The following TRIO variants were observed in gnomAD, a reference collection of about 807,000 sequenced individuals.
TRIO encodes triple functional domain protein.
TRIO carries 58 observed loss-of-function variants against 351.9 expected under a neutral mutation model. That is an observed-to-expected ratio of 0.16 (90% CI 0.13 to 0.21). The LOEUF (loss-of-function observed/expected upper bound fraction) is 0.21. Ranked by LOEUF, TRIO falls within the 10% of genes least tolerant of loss-of-function variation. TRIO has a pLI of 1.00. For synonymous variants in TRIO, 1,758 were observed against 1,595.7 expected (o/e 1.10, Z -2.42); for missense variants, 3,201 against 4,027.8 (o/e 0.79, Z 5.56).
intron 8 of TRIO, among the ~76,000 whole-genome samples, chr5:14,307,649 G>A (rs1738495827): frequency 6.6e-6 from 1 of 152,176 alleles, no homozygotes; most frequent in African/African-American, 2.4e-5. Context: ...TTTCTCCAAT[G>A]CACAGGCACC....
chr5:14,231,547 C>A (rs1022106562), intron 1 of TRIO, among the ~76,000 whole-genome samples: 2 of 152,198 alleles, frequency 1.3e-5, no homozygotes, highest in Admixed American at 1.3e-4. Context: ...TCTGGGCCTT[C>A]TTTGCTCTCC....
intron 11 of TRIO, among the ~76,000 whole-genome samples, chr5:14,345,852 TA>T (rs1195148183): frequency 6.6e-6 from 1 of 152,256 alleles, no homozygotes; most frequent in African/African-American, 2.4e-5. Context: ...GTTTACTTGT[TA>T]AATTTCTGTT....
At chr5:14,315,968 A>G (rs1008854786) in intron 8 of TRIO, among the ~76,000 whole-genome samples, 1 of 152,216 alleles carries the variant, frequency 6.6e-6, no homozygotes, top group Non-Finnish European at 1.5e-5. Flanking sequence ...GTGAAGTTAA[A>G]TTGCTCTCCA....
At chr5:14,225,614 C>A (rs1049079113) in intron 1 of TRIO, among the ~76,000 whole-genome samples, 19 of 152,130 alleles carry the variant, frequency 1.2e-4, no homozygotes, top group Non-Finnish European at 4.4e-5. Flanking sequence ...GCCTGCTGCA[C>A]CCTATGGCAG....
At chr5:14,221,196 CCT>C (rs1344513199) in intron 1 of TRIO, among the ~76,000 whole-genome samples, 1 of 152,096 alleles carries the variant, frequency 6.6e-6, no homozygotes, top group African/African-American at 2.4e-5. Context: ...TGTTTTAAGC[CCT>C]CTCTTGAGAC....
At chr5:14,202,293 G>GTT (rs1561196197) in intron 1 of TRIO, among the ~76,000 whole-genome samples, 4 of 34,350 alleles carry the variant, frequency 1.2e-4, no homozygotes, top group African/African-American at 4.0e-4. Flanking sequence ...ATATTTTTGT[G>GTT]ATTTTTTTTT....
chr5:14,276,047 TTG>T (rs1735493438), intron 2 of TRIO, among the ~76,000 whole-genome samples: 1 of 108,596 alleles, frequency 9.2e-6, no homozygotes, highest in South Asian at 2.6e-4. Flanking sequence ...TGATGGACAT[TTG>T]TTTTTTTTTT....
intron 34 of TRIO, among the ~76,000 whole-genome samples, chr5:14,433,796 G>A (rs1182989930): frequency 6.6e-6 from 1 of 152,090 alleles, no homozygotes; most frequent in Non-Finnish European, 1.5e-5. Flanking sequence ...TCAGAATTCA[G>A]CTAATGTTGT....
intron 1 of TRIO, among the ~76,000 whole-genome samples, chr5:14,185,114 T>A (rs1175652049): frequency 6.6e-6 from 1 of 152,084 alleles, no homozygotes; most frequent in Non-Finnish European, 1.5e-5. Flanking sequence ...ATCCTGAACA[T>A]CTGGGCCTTT....
At chr5:14,235,380 G>T (rs1463513464) in intron 1 of TRIO, among the ~76,000 whole-genome samples, 3 of 152,154 alleles carry the variant, frequency 2.0e-5, no homozygotes, top group Admixed American at 2.0e-4. Context: ...GAAGTCAGAA[G>T]ACCTGGGTTT....
At chr5:14,216,984 G>A (rs26136) in intron 1 of TRIO, among the ~76,000 whole-genome samples, 82,540 of 152,086 alleles carry the variant, frequency 0.54, 22,862 homozygotes, top group Non-Finnish European at 0.6. Flanking sequence ...CTCCTACAGG[G>A]CAAGGAGGCG....
At chr5:14,409,718 C>G (rs959842008) in intron 33 of TRIO, among the ~76,000 whole-genome samples, 7 of 151,824 alleles carry the variant, frequency 4.6e-5, no homozygotes, top group Admixed American at 2.6e-4. Context: ...CCTGTAAGTC[C>G]CAGCTACTCG....
chr5:14,498,327 C>G, intron 52 of TRIO, 76 bp downstream of exon 52: 1 of 1,569,706 alleles, frequency 6.4e-7, no homozygotes, highest in Admixed American at 1.8e-5. Context: ...GAAATTCCTC[C>G]TTCACGGATG....
chr5:14,209,843 A>G (rs1791772833), intron 1 of TRIO, among the ~76,000 whole-genome samples: 1 of 152,246 alleles, frequency 6.6e-6, no homozygotes, highest in African/African-American at 2.4e-5. Context: ...TCAGACTCAG[A>G]TCTTCTGGTG....
rs113090207 is a variant in TRIO at position 14,476,576 on chromosome 5, G to C, written c.6084-318G>C. Among the ~76,000 whole-genome samples, 958 of 152,282 alleles carry C rather than the reference G, an allele frequency of 6.3e-3. 15 individuals carry two copies. The highest frequency in any genetic ancestry group is 0.022 in the African/African-American group (923 of 41,548). ...GGAGGCTGAGGCAGGCGGATCACTT[G>C]AGGTCAGGAGTTTGAGACCAGCCTG... On this transcript the variant is annotated intron_variant, in intron 40 of 56. Coordinates refer to ENST00000344204, the MANE Select transcript of TRIO (RefSeq NM_007118.4).
chr5:14,504,531 C>G lies in TRIO; in HGVS notation c.8550C>G (p.Pro2850=), dbSNP rs377332779. ...ELGILQSLQH[P]LLVGLLDTFE... ...GCATCCTGCAGAGCCTCCAGCACCC[C>G]CTGCTTGTCGGCCTCCTCGACACCT... Residue 2850 remains proline (P), a synonymous_variant, in exon 55 of 57, where the codon CCC becomes CCG. Coordinates refer to ENST00000344204, the MANE Select transcript of TRIO (RefSeq NM_007118.4). 1.1e-5 allele frequency: 18 copies of G among 1,614,162 alleles called. No homozygotes were observed. In the African/African-American group the frequency reaches 2.0e-4, roughly 18 times the overall value.
At chr5:14,184,921 C>T (rs1287757033) in intron 1 of TRIO, among the ~76,000 whole-genome samples, 1 of 152,158 alleles carries the variant, frequency 6.6e-6, no homozygotes. Flanking sequence ...TCACTCCTAA[C>T]CCAAAATCGG....
chr5:14,221,263 A>G (rs2152208846), intron 1 of TRIO, among the ~76,000 whole-genome samples: 1 of 152,292 alleles, frequency 6.6e-6, no homozygotes, highest in East Asian at 1.9e-4. Context: ...CTCATTGACA[A>G]TACACCTAGT....
At chr5:14,184,279 G>A (rs989263309) in intron 1 of TRIO, among the ~76,000 whole-genome samples, 2 of 152,210 alleles carry the variant, frequency 1.3e-5, no homozygotes, top group African/African-American at 2.4e-5. Flanking sequence ...TGCGCTGTTT[G>A]TGTATCCGCT....
Sources: allele counts gnomAD v4.1 joint callset (sites outside exome capture counted in the v4.1 genomes callset), GRCh38; gene constraint gnomAD v4.1.1; transcripts MANE v1.5; gene names NCBI Gene and HGNC (gene_info 2026-07-23, HGNC 2026-07-21).